Variants in BAALC observed in about 807,000 individuals in gnomAD.
The protein encoded by BAALC is BAALC binder of MAP3K1 and KLF4.
In BAALC, 9 loss-of-function variants were observed where a neutral mutation model predicts 15.5. The observed-to-expected ratio is 0.58, with a 90% CI of 0.35 to 1.02. The LOEUF (loss-of-function observed/expected upper bound fraction) is 1.02. Ranked by LOEUF, BAALC falls within the 50% of genes least tolerant of loss-of-function variation. The pLI is 0.02. For missense variants in BAALC, 201 were observed against 192.4 expected (o/e 1.04, Z -0.27); for synonymous variants, 80 against 74.6 (o/e 1.07, Z -0.37).
In BAALC at chr8:103,141,012, G is replaced by A. The variant is rs1263263766; in HGVS notation, c.115G>A (p.Ala39Thr). Residue 39 changes from alanine to threonine, a missense_variant, in exon 1 of 3, where the codon GCC becomes ACC. Transcript: ENST00000309982. The stretch of plus-strand genomic sequence containing the variant: ...CACCGACTCGGACGCGCCGCCCAGC[G>A]CCGCCGCCCCGGACAGCGGCCCCGA... Reference protein sequence around the residue: ...TYTDSDAPPSAAAPDSGPEAG... With the variant: ...TYTDSDAPPSTAAPDSGPEAG... The A allele has an allele frequency of 5.9e-6, 9 of 1,522,208 alleles. No individual in the cohort carries two copies. The highest frequency in any genetic ancestry group is 7.9e-6 in the Non-Finnish European group (9 of 1,135,396). The allele number at this position is 1,522,208 out of a possible 1,614,324, so 94.3% of individuals were successfully genotyped here.
At chr8:103,198,177 T>A in intron 1 of BAALC, 1 of 688,834 alleles carries the variant, frequency 1.5e-6, no homozygotes, top group Non-Finnish European at 2.6e-6. Context: ...AAGGTAGGAC[T>A]TTTTTTTGTA....
rs1300656339 is a variant in BAALC, at chr8:103,177,803, T to A, written c.161-35116T>A. 2.0e-5 allele frequency among the ~76,000 whole-genome samples: 3 copies of A among 152,238 alleles called. No homozygotes were observed. In the East Asian group the frequency reaches 5.8e-4, roughly 29 times the overall value. On this transcript the variant is annotated intron_variant, in intron 1 of 2. Coordinates refer to ENST00000309982, the MANE Select transcript of BAALC (RefSeq NM_024812.3). ...TCATAGGATTGATGTGGACATTAAA[T>A]AAAATAATATACCGTAAAATTTATT...
intron 1 of BAALC, among the ~76,000 whole-genome samples, chr8:103,174,914 A>G (rs72671402): frequency 0.083 from 12,573 of 152,302 alleles, 705 homozygotes; most frequent in Middle Eastern, 0.13. Context: ...CAATCTGACA[A>G]CAGTCCCCCA....
At chr8:103,217,775 C>T (rs187968423) in intron 2 of BAALC, among the ~76,000 whole-genome samples, 9 of 152,264 alleles carry the variant, frequency 5.9e-5, no homozygotes, top group Admixed American at 4.6e-4. Context: ...CCTTGCGAGG[C>T]CTGGAAAATT....
chr8:103,225,706 T>C (rs746189152), intron 2 of BAALC, among the ~76,000 whole-genome samples: 1 of 152,028 alleles, frequency 6.6e-6, no homozygotes, highest in Non-Finnish European at 1.5e-5. Flanking sequence ...GCATGGGATA[T>C]GGGCCTATCC....
intron 1 of BAALC, among the ~76,000 whole-genome samples, chr8:103,163,709 C>T (rs138252525): frequency 6.6e-6 from 1 of 152,136 alleles, no homozygotes. Flanking sequence ...AATCACCTAC[C>T]ACTGCCCTTC....
intron 2 of BAALC, chr8:103,214,836 C>T (rs1311522797): frequency 6.6e-6 from 1 of 152,258 alleles, no homozygotes; most frequent in Non-Finnish European, 1.5e-5. Context: ...CCTGCAGACA[C>T]TGGAGAAGGT....
intron 1 of BAALC, among the ~76,000 whole-genome samples, chr8:103,150,882 C>T (rs1032128043): frequency 3.3e-5 from 5 of 152,164 alleles, no homozygotes; most frequent in African/African-American, 1.2e-4. Flanking sequence ...TCATACACTT[C>T]CTCCCCAACT....
chr8:103,227,897 C>A, intron 2 of BAALC, 92 bp from the exon 3 acceptor site: 1 of 833,786 alleles, frequency 1.2e-6, no homozygotes, highest in Non-Finnish European at 1.9e-6. Flanking sequence ...AACTATGGCA[C>A]AATAAACCTC....
At chr8:103,149,002 T>C (rs569497623) in intron 1 of BAALC, among the ~76,000 whole-genome samples, 2 of 152,330 alleles carry the variant, frequency 1.3e-5, no homozygotes, top group South Asian at 2.1e-4. Flanking sequence ...TCATAAACCA[T>C]TGTTCTCATC....
chr8:103,221,378 A>C (rs1374663927), intron 2 of BAALC, among the ~76,000 whole-genome samples: 2 of 152,162 alleles, frequency 1.3e-5, no homozygotes, highest in Non-Finnish European at 2.9e-5. Context: ...CAAAACAAGA[A>C]TGTTAGAAGT....
intron 1 of BAALC, among the ~76,000 whole-genome samples, chr8:103,186,698 A>G (rs1811845548): frequency 6.6e-6 from 1 of 152,108 alleles, no homozygotes; most frequent in Non-Finnish European, 1.5e-5. Flanking sequence ...ACACACTGCA[A>G]TGTCCATGCC....
At chr8:103,193,361 A>G (rs1045738346) in intron 1 of BAALC, among the ~76,000 whole-genome samples, 3 of 152,168 alleles carry the variant, frequency 2.0e-5, no homozygotes, top group Admixed American at 6.5e-5. Context: ...GAGTCACTAC[A>G]TCCTGGCCAA....
intron 1 of BAALC, among the ~76,000 whole-genome samples, chr8:103,180,315 G>A (rs1048263453): frequency 2.6e-5 from 4 of 152,212 alleles, no homozygotes; most frequent in Admixed American, 2.0e-4. Flanking sequence ...ATGGTTTCCA[G>A]AAATCTAACT....
chr8:103,222,042 G>A (rs1445163268), intron 2 of BAALC, among the ~76,000 whole-genome samples: 2 of 152,180 alleles, frequency 1.3e-5, no homozygotes, highest in Non-Finnish European at 2.9e-5. Context: ...CGGGTGGGGG[G>A]CTTCCAGGCT....
chr8:103,202,211 G>A (rs891641677), intron 1 of BAALC, among the ~76,000 whole-genome samples: 5 of 152,184 alleles, frequency 3.3e-5, no homozygotes, highest in Non-Finnish European at 5.9e-5. Flanking sequence ...TGGCTTGAAG[G>A]CCTTTCCCCA....
chr8:103,219,843 A>C (rs1019576187), intron 2 of BAALC, among the ~76,000 whole-genome samples: 1 of 152,234 alleles, frequency 6.6e-6, no homozygotes, highest in Non-Finnish European at 1.5e-5. Flanking sequence ...AAAAGAAGTC[A>C]AACATCTGGA....
intron 2 of BAALC, among the ~76,000 whole-genome samples, chr8:103,218,936 A>T (rs1442202470): frequency 6.6e-6 from 1 of 152,220 alleles, no homozygotes; most frequent in Non-Finnish European, 1.5e-5. Context: ...CCTGGATAAC[A>T]CTAATATGAG....
intron 1 of BAALC, among the ~76,000 whole-genome samples, chr8:103,177,188 GTT>G (rs1403033709): frequency 3.5e-5 from 3 of 86,576 alleles, no homozygotes; most frequent in Non-Finnish European, 8.4e-5. Flanking sequence ...TGTTGTTGTT[GTT>G]TTGTTTTTTT....
Sources: gnomAD v4.1 joint callset for allele counts (sites outside exome capture counted in the v4.1 genomes callset) on GRCh38, gnomAD v4.1.1 for gene constraint, MANE v1.5 for transcripts, NCBI Gene and HGNC (gene_info 2026-07-23, HGNC 2026-07-21) for gene names.